Variants in GARRE1 observed in about 807,000 individuals in gnomAD.
GARRE1 encodes the protein granule associated Rac and RHOG effector protein 1.
Under a neutral mutation model 103.2 loss-of-function variants are expected in GARRE1, and 49 were observed. That is an observed-to-expected ratio of 0.47 (90% confidence interval 0.38 to 0.60). The LOEUF (loss-of-function observed/expected upper bound fraction) is 0.60. GARRE1 is among the 20% of genes least tolerant of loss of function. GARRE1 has a pLI of 0.00. For missense variants in GARRE1, 1,199 were observed against 1,370.5 expected, an observed-to-expected ratio of 0.87 and a Z score of 1.98; for synonymous variants, 505 against 532.8, an observed-to-expected ratio of 0.95 and a Z score of 0.72.
intron 2 of GARRE1, among the ~76,000 whole-genome samples, chr19:34,307,732 A>ATGG (rs2074015875): frequency 1.4e-5 from 2 of 138,690 alleles, no homozygotes; most frequent in South Asian, 2.2e-4. Context: ...ATATACATAT[A>ATGG]TACTTATATA....
chr19:34,339,912 C>T lies in GARRE1; in HGVS notation c.1407C>T (p.Ser469=), dbSNP rs781755195. The T allele has an allele frequency of 6.2e-7, 1 of 1,614,110 alleles. No homozygotes were observed. Among genetic ancestry groups the T allele is most frequent in the Admixed American group, 1.7e-5 (1 of 60,008 alleles). The change falls in exon 9 of 14, where the codon AGC becomes AGT. Residue 469 remains serine, a synonymous_variant. Coordinates refer to ENST00000299505, the MANE Select transcript of GARRE1 (RefSeq NM_014686.5). ...CTACCATGTCCCTGCTGCAGAGAAG[C>T]CTTGATCCTGAGAAGACCCTGGGTC... ...DPATMSLLQR[S]LDPEKTLGLV...
chr19:34,281,167 C>T (rs564715026), intron 1 of GARRE1, among the ~76,000 whole-genome samples: 9 of 152,336 alleles, frequency 5.9e-5, no homozygotes, highest in African/African-American at 2.2e-4. Flanking sequence ...GTCGCCCAGG[C>T]TGGAGTATAG....
rs561313251 is a variant in GARRE1 at position 34,319,403 on chromosome 19, T to G, written c.496-504T>G. On this transcript the variant is annotated intron_variant, in intron 2 of 13. Coordinates refer to ENST00000299505, the MANE Select transcript of GARRE1 (RefSeq NM_014686.5). ...AGACTGGAATGATGACATACAACTA[T>G]GTTAATAACTATGTTAACACTCCTA... Among the ~76,000 whole-genome samples, 158 of 152,350 alleles carry G rather than the reference T, an allele frequency of 1.0e-3. 1 individual carries two copies. The highest frequency in any genetic ancestry group is 0.01 in the Middle Eastern group (3 of 294).
chr19:34,311,604 A>T (rs907026133), intron 2 of GARRE1, among the ~76,000 whole-genome samples: 1 of 151,360 alleles, frequency 6.6e-6, no homozygotes, highest in East Asian at 1.9e-4. Context: ...AATAAACATA[A>T]TTTTTTTTTC....
At chr19:34,280,313 C>T (rs2073843756) in intron 1 of GARRE1, among the ~76,000 whole-genome samples, 1 of 152,176 alleles carries the variant, frequency 6.6e-6, no homozygotes, top group Admixed American at 6.5e-5. Flanking sequence ...TAAGCTATAT[C>T]ACTAGTGATT....
At position 34,327,677 on chromosome 19, in the gene GARRE1, T is replaced by C. The variant is rs933499458; in HGVS notation, c.847-94T>C. 3 of 1,470,976 alleles carry C rather than the reference T, an allele frequency of 2.0e-6. No individual in the cohort carries two copies. The African/African-American group carries it at 4.2e-5, about 21-fold the overall frequency. The allele number at this position is 1,470,976 out of a possible 1,614,324, so 91.1% of individuals were successfully genotyped here. Reference sequence around the variant, plus strand: ...TATAGAGTAGTAATTGACCTTTTAATAGCTATAGAAATTTAAGATTTCTAT... The same window carrying C: ...TATAGAGTAGTAATTGACCTTTTAACAGCTATAGAAATTTAAGATTTCTAT... On this transcript the variant is annotated intron_variant, in intron 4 of 13. Transcript: ENST00000299505.
At chr19:34,277,079 C>T (rs544151408) in intron 1 of GARRE1, among the ~76,000 whole-genome samples, 1 of 152,014 alleles carries the variant, frequency 6.6e-6, no homozygotes, top group Non-Finnish European at 1.5e-5. Context: ...AGGAGGGAGG[C>T]AGGAGCTTTC....
At chr19:34,266,191 G>A (rs1449613482) in intron 1 of GARRE1, among the ~76,000 whole-genome samples, 1 of 152,258 alleles carries the variant, frequency 6.6e-6, no homozygotes, top group Non-Finnish European at 1.5e-5. Flanking sequence ...GCGCAGATAA[G>A]TGGCAGAGCC....
chr19:34,348,718 A>G (rs2074223975), intron 11 of GARRE1: 2 of 334,384 alleles, frequency 6.0e-6, no homozygotes, highest in Non-Finnish European at 5.6e-6. Context: ...CCCGTCACCT[A>G]GGTATTAAGC....
chr19:34,312,842 G>A (rs111452348), intron 2 of GARRE1, among the ~76,000 whole-genome samples: 9 of 152,206 alleles, frequency 5.9e-5, no homozygotes, highest in African/African-American at 1.2e-4. Flanking sequence ...CAGGAGAATC[G>A]CTTGAACCTG....
intron 11 of GARRE1, 89 bp downstream of exon 11, chr19:34,348,131 C>A: frequency 1.7e-6 from 2 of 1,149,250 alleles, no homozygotes; most frequent in South Asian, 5.1e-5. Context: ...TGCCTGTGTG[C>A]ATTCTTTTCA....
intron 2 of GARRE1, among the ~76,000 whole-genome samples, chr19:34,311,754 G>T (rs1394881745): frequency 6.6e-6 from 1 of 152,084 alleles, no homozygotes; most frequent in Admixed American, 6.5e-5. Context: ...GGGATTACAG[G>T]CGTGTGCCAC....
chr19:34,259,653 G>GTTTT (rs879525961), intron 1 of GARRE1, among the ~76,000 whole-genome samples: 7 of 149,868 alleles, frequency 4.7e-5, no homozygotes, highest in African/African-American at 9.8e-5. Context: ...AAATGATGAA[G>GTTTT]TTTTTTTTGT....
chr19:34,272,865 T>A (rs770922084), intron 1 of GARRE1, among the ~76,000 whole-genome samples: 1 of 152,210 alleles, frequency 6.6e-6, no homozygotes, highest in Non-Finnish European at 1.5e-5. Context: ...CTTCATCTTA[T>A]TAGATGCCTC....
chr19:34,261,338 A>G (rs2073717369), intron 1 of GARRE1, among the ~76,000 whole-genome samples: 1 of 152,172 alleles, frequency 6.6e-6, no homozygotes, highest in Non-Finnish European at 1.5e-5. Context: ...TGTGATAAGT[A>G]TTCAATGACA....
chr19:34,261,085 GTCTC>G (rs1348299684), intron 1 of GARRE1, among the ~76,000 whole-genome samples: 5 of 152,172 alleles, frequency 3.3e-5, no homozygotes, highest in African/African-American at 9.7e-5. Flanking sequence ...GGCTGCAAGG[GTCTC>G]TCCCTTGCTT....
intron 2 of GARRE1, among the ~76,000 whole-genome samples, chr19:34,306,890 A>G (rs148053417): frequency 6.6e-6 from 1 of 152,188 alleles, no homozygotes; most frequent in African/African-American, 2.4e-5. Context: ...CTCTCCCTTC[A>G]TGTAGCTAGA....
At chr19:34,328,706 C>T (rs1004573467) in intron 6 of GARRE1, among the ~76,000 whole-genome samples, 4 of 151,924 alleles carry the variant, frequency 2.6e-5, no homozygotes, top group Non-Finnish European at 5.9e-5. Flanking sequence ...CTCCTGGGTT[C>T]AAGCAATCCT....
intron 11 of GARRE1, chr19:34,348,303 T>C: frequency 3.1e-6 from 1 of 318,338 alleles, no homozygotes; most frequent in Admixed American, 5.0e-5. Context: ...TCTTCAGCCC[T>C]AGACAAGGCT....
Sources: gnomAD v4.1 joint callset for allele counts (sites outside exome capture counted in the v4.1 genomes callset) on GRCh38, gnomAD v4.1.1 for gene constraint, MANE v1.5 for transcripts, NCBI Gene and HGNC (gene_info 2026-07-23, HGNC 2026-07-21) for gene names.